Variants in KIF26B observed in about 807,000 individuals in gnomAD.
KIF26B encodes the protein kinesin family member 26B.
KIF26B carries 63 observed loss-of-function variants against 151.2 expected under a neutral mutation model. The ratio of observed to expected loss-of-function variants is 0.42; its 90% CI spans 0.34 to 0.51. The LOEUF is 0.51. KIF26B is among the 20% of genes least tolerant of loss of function. The pLI, the probability that KIF26B is intolerant of heterozygous loss-of-function variation, is 0.07. For missense variants in KIF26B, 2,813 were observed against 2,913.6 expected (o/e 0.97, Z 0.79); for synonymous variants, 1,357 against 1,262.1 (o/e 1.08, Z -1.59).
At chr1:245,193,001 A>G (rs1454799911) in intron 2 of KIF26B, among the ~76,000 whole-genome samples, 1 of 152,214 alleles carries the variant, frequency 6.6e-6, no homozygotes, top group African/African-American at 2.4e-5. Flanking sequence ...GGTAGTAAGC[A>G]TAGTACCCAA....
intron 2 of KIF26B, among the ~76,000 whole-genome samples, chr1:245,168,206 G>A (rs1490130704): frequency 6.6e-6 from 1 of 152,214 alleles, no homozygotes; most frequent in Admixed American, 6.5e-5. Flanking sequence ...AAATCCAAGT[G>A]GGTTTCTGGC....
At chr1:245,448,895 AG>A (rs1428207885) in intron 4 of KIF26B, among the ~76,000 whole-genome samples, 2 of 152,252 alleles carry the variant, frequency 1.3e-5, no homozygotes, top group Non-Finnish European at 2.9e-5. Context: ...GGGGTCTACT[AG>A]GCTTTGGCTG....
chr1:245,433,466 C>CAAAAA (rs111335967), intron 4 of KIF26B, among the ~76,000 whole-genome samples: 3 of 114,992 alleles, frequency 2.6e-5, no homozygotes, highest in African/African-American at 6.5e-5. Flanking sequence ...GACTCTGTCT[C>CAAAAA]AAAAAAAAAA....
Position 245,609,454 on chromosome 1 carries a change from G to A in KIF26B, c.1840G>A (p.Val614Met), listed in dbSNP as rs778508665. Reference sequence around the variant, plus strand: ...GAACCTGCGGGACCTGCTGTCGGAGGTGGCCACGGGCAGCCTGCAGGACGG... The same window carrying A: ...GAACCTGCGGGACCTGCTGTCGGAGATGGCCACGGGCAGCCTGCAGGACGG... Reference protein sequence around the residue: ...EENLRDLLSEVATGSLQDGQS... With the variant: ...EENLRDLLSEMATGSLQDGQS... Residue 614 changes from valine to methionine, a missense_variant, in exon 8 of 15, where the codon GTG becomes ATG. Physicochemically the swap from Val to Met is conservative, Grantham distance 21 (BLOSUM62 1). This residue lies in a region of KIF26B where 2,060 missense variants were observed against 2,088.6 expected (regional missense o/e 0.99). Coordinates refer to ENST00000407071, the MANE Select transcript of KIF26B (RefSeq NM_018012.4). 17 of 1,605,054 alleles carry A rather than the reference G, an allele frequency of 1.1e-5. No homozygotes were observed. Among genetic ancestry groups the A allele is most frequent in the South Asian group, 2.2e-5 (2 of 89,152 alleles).
chr1:245,584,656 A>G (rs557732173), intron 5 of KIF26B, among the ~76,000 whole-genome samples: 3 of 152,334 alleles, frequency 2.0e-5, no homozygotes, highest in Non-Finnish European at 4.4e-5. Context: ...GAAAAAGAAA[A>G]GAACCTATAG....
At chr1:245,314,015 C>T (rs771417602) in intron 2 of KIF26B, among the ~76,000 whole-genome samples, 2 of 152,152 alleles carry the variant, frequency 1.3e-5, no homozygotes, top group African/African-American at 2.4e-5. Flanking sequence ...CTGTTCCCTC[C>T]GCTTTGAGGT....
chr1:245,616,349 C>T (rs1424331154), intron 9 of KIF26B, among the ~76,000 whole-genome samples: 1 of 152,206 alleles, frequency 6.6e-6, no homozygotes, highest in African/African-American at 2.4e-5. Flanking sequence ...GCTTGAGAGC[C>T]TCCTCGGGAA....
At chr1:245,659,869 T>G (rs542247115) in intron 10 of KIF26B, among the ~76,000 whole-genome samples, 1 of 147,402 alleles carries the variant, frequency 6.8e-6, no homozygotes, top group African/African-American at 2.5e-5. Flanking sequence ...CAAAACCCAA[T>G]ATCTACTAAA....
At chr1:245,196,442 C>G (rs1669197036) in intron 2 of KIF26B, among the ~76,000 whole-genome samples, 1 of 152,188 alleles carries the variant, frequency 6.6e-6, no homozygotes, top group South Asian at 2.1e-4. Context: ...AAAGCCCTTC[C>G]CTGGCTCTCC....
At chr1:245,221,727 A>G (rs76544985) in intron 2 of KIF26B, among the ~76,000 whole-genome samples, 2,290 of 152,188 alleles carry the variant, frequency 0.015, 71 homozygotes, top group African/African-American at 0.052. Flanking sequence ...TACTTTTTAT[A>G]CTTTGTGTTT....
chr1:245,357,106 G>A lies in KIF26B; in HGVS notation c.466-9728G>A, dbSNP rs899040164. 2.0e-5 allele frequency among the ~76,000 whole-genome samples: 3 copies of A among 152,202 alleles called. No homozygotes were observed. The South Asian group carries it at 6.2e-4, about 32-fold the overall frequency. On this transcript the variant is annotated intron_variant, in intron 2 of 14. Transcript: ENST00000407071. ...GGAACAAGTGTAGGAGCTGAGGGCA[G>A]AGAGGGACCAGGAGGCCGAGTCCTG... is the stretch of plus-strand genomic sequence containing the variant.
intron 2 of KIF26B, among the ~76,000 whole-genome samples, chr1:245,302,817 T>C (rs967813149): frequency 6.6e-6 from 1 of 151,756 alleles, no homozygotes; most frequent in Admixed American, 6.6e-5. Context: ...GGTGAAACCC[T>C]GTCTCTACTA....
intron 5 of KIF26B, among the ~76,000 whole-genome samples, chr1:245,580,481 TAGC>T (rs1430093908): frequency 6.6e-6 from 1 of 152,210 alleles, no homozygotes; most frequent in Non-Finnish European, 1.5e-5. Context: ...GGGCTAGTCA[TAGC>T]AGAGTGCCAG....
At chr1:245,209,678 A>C (rs1669475514) in intron 2 of KIF26B, among the ~76,000 whole-genome samples, 1 of 152,152 alleles carries the variant, frequency 6.6e-6, no homozygotes, top group South Asian at 2.1e-4. Flanking sequence ...TCAGGGGTAA[A>C]TTCCGAGAAC....
intron 2 of KIF26B, among the ~76,000 whole-genome samples, chr1:245,163,310 T>A (rs1263753179): frequency 1.3e-5 from 2 of 152,120 alleles, no homozygotes; most frequent in African/African-American, 4.8e-5. Context: ...CCCAGCTAAT[T>A]TTTGTATTTT....
chr1:245,381,523 T>C lies in KIF26B; in HGVS notation c.999+14156T>C, dbSNP rs898967967. 7.2e-5 allele frequency among the ~76,000 whole-genome samples: 11 copies of C among 152,302 alleles called. No individual in the cohort carries two copies. In the South Asian group the frequency reaches 1.2e-3, roughly 17 times the overall value. On this transcript the variant is annotated intron_variant, in intron 3 of 14. Coordinates refer to ENST00000407071, the MANE Select transcript of KIF26B (RefSeq NM_018012.4). ...TTGTTTTTTAACTCATCAGCTATCA[T>C]TAGTGTCAGTGTTTTTTAAGTGTGG...
chr1:245,640,143 C>CTCTCTCTATA, intron 9 of KIF26B, among the ~76,000 whole-genome samples: 1 of 31,934 alleles, frequency 3.1e-5, no homozygotes, highest in Non-Finnish European at 5.9e-5. Context: ...CTCTCTCTCT[C>CTCTCTCTATA]TATATATATA....
chr1:245,651,955 G>C (rs1291245832), intron 10 of KIF26B, among the ~76,000 whole-genome samples: 1 of 152,138 alleles, frequency 6.6e-6, no homozygotes, highest in East Asian at 1.9e-4. Flanking sequence ...TCACACAGGA[G>C]AGGAAAGGCT....
chr1:245,390,943 A>AAAACAAAACAAAACAAAACAAAAC (rs1553270129), intron 3 of KIF26B, among the ~76,000 whole-genome samples: 5 of 118,458 alleles, frequency 4.2e-5, no homozygotes, highest in African/African-American at 2.0e-4. Flanking sequence ...AAAAAAAAAA[A>AAAACAAAACAAAACAAAACAAAAC]AAAAAAAAAC....
Sources: allele counts gnomAD v4.1 joint callset (sites outside exome capture counted in the v4.1 genomes callset), GRCh38; gene constraint gnomAD v4.1.1; regional missense constraint gnomAD v4.1.1; transcripts MANE v1.5; gene names NCBI Gene and HGNC (gene_info 2026-07-23, HGNC 2026-07-21).